Variants in CRYBG1 observed in about 807,000 individuals in gnomAD.
CRYBG1 encodes the protein crystallin beta-gamma domain containing 1, also known as beta/gamma crystallin domain-containing protein 1.
Under a neutral mutation model 189.2 loss-of-function variants are expected in CRYBG1, and 139 were observed. That is an observed-to-expected ratio of 0.73 (90% CI 0.64 to 0.85). CRYBG1 has a LOEUF of 0.85. CRYBG1 is among the 40% of genes least tolerant of loss of function. The pLI, the probability that CRYBG1 is intolerant of heterozygous loss-of-function variation, is 0.00. For synonymous variants in CRYBG1, 1,023 were observed against 1,017.1 expected (o/e 1.01, Z -0.11); for missense variants, 2,611 against 2,675.8 (o/e 0.98, Z 0.53).
chr6:106,432,174 A>C (rs1232001581), intron 1 of CRYBG1, among the ~76,000 whole-genome samples: 5 of 152,134 alleles, frequency 3.3e-5, no homozygotes, highest in African/African-American at 1.2e-4. Flanking sequence ...CATAACCTAG[A>C]TTCCTTGGGA....
chr6:106,521,544 T>C (rs1218762797), intron 4 of CRYBG1, 91 bp downstream of exon 4: 9 of 1,355,190 alleles, frequency 6.6e-6, no homozygotes, highest in Admixed American at 2.3e-5. Context: ...CTTTTAGAAA[T>C]GGTTAAGCTT....
At chr6:106,427,175 G>C (rs989918276) in intron 1 of CRYBG1, among the ~76,000 whole-genome samples, 1 of 152,098 alleles carries the variant, frequency 6.6e-6, no homozygotes, top group African/African-American at 2.4e-5. Flanking sequence ...TACAGCTTTA[G>C]ATCATCTGTA....
intron 21 of CRYBG1, 68 bp downstream of exon 21, chr6:106,563,994 C>T: frequency 1.4e-6 from 2 of 1,477,448 alleles, no homozygotes; most frequent in Non-Finnish European, 1.9e-6. Context: ...AAAATCTATT[C>T]ATAACTTTTG....
intron 1 of CRYBG1, among the ~76,000 whole-genome samples, chr6:106,447,065 G>T (rs1484769017): frequency 1.3e-5 from 2 of 152,190 alleles, no homozygotes; most frequent in African/African-American, 4.8e-5. Flanking sequence ...GTGCTAAAAA[G>T]AAAAGGGAGG....
At position 106,520,989 on chromosome 6, in the gene CRYBG1, A is replaced by G; in HGVS notation, c.3781A>G (p.Thr1261Ala). 1.2e-6 allele frequency: 2 copies of G among 1,614,204 alleles called. No homozygotes were observed. The highest frequency in any genetic ancestry group is 8.5e-7 in the Non-Finnish European group (1 of 1,180,034). The change falls in exon 4 of 22, where the codon ACA becomes GCA. Residue 1261 changes from threonine to alanine, a missense_variant. This residue lies in a region of CRYBG1 where 1,622 missense variants were observed against 1,735.0 expected (regional missense o/e 0.93). Transcript: ENST00000633556. ...AGACAAAATCTTTTCTCCTTCTGTG[A>G]CATCAGTCAACACTATGACCACGGC... is the stretch of plus-strand genomic sequence containing the variant. ...PQDKIFSPSV[T>A]SVNTMTTAFS...
intron 2 of CRYBG1, among the ~76,000 whole-genome samples, chr6:106,499,696 C>A (rs1772958983): frequency 6.6e-6 from 1 of 152,116 alleles, no homozygotes; most frequent in Non-Finnish European, 1.5e-5. Context: ...TAAAATCTAT[C>A]CTTTTAGCAA....
intron 2 of CRYBG1, among the ~76,000 whole-genome samples, chr6:106,483,045 T>TAACATCACCTTACTGTG: frequency 6.6e-6 from 1 of 152,158 alleles, no homozygotes; most frequent in Non-Finnish European, 1.5e-5. Flanking sequence ...ACCTTACTGT[T>TAACATCACCTTACTGTG]AACATCACCT....
intron 1 of CRYBG1, among the ~76,000 whole-genome samples, chr6:106,422,970 A>C (rs997900341): frequency 6.6e-6 from 1 of 152,204 alleles, no homozygotes; most frequent in Non-Finnish European, 1.5e-5. Context: ...TCAGAGATGG[A>C]TAGTGATTAA....
chr6:106,478,391 A>G (rs528289592), intron 2 of CRYBG1, among the ~76,000 whole-genome samples: 52 of 152,338 alleles, frequency 3.4e-4, no homozygotes, highest in African/African-American at 1.1e-3. Flanking sequence ...AAACTGATGC[A>G]TATACTGAAT....
intron 15 of CRYBG1, among the ~76,000 whole-genome samples, 197 bp from the exon 16 acceptor site, chr6:106,553,258 A>G (rs1205754542): frequency 6.6e-6 from 1 of 152,226 alleles, no homozygotes; most frequent in Non-Finnish European, 1.5e-5. Flanking sequence ...AATTAAATAA[A>G]TAGTCACGAA....
Position 106,530,244 on chromosome 6 carries a change from T to C in CRYBG1, c.4647T>C (p.Phe1549=), listed in dbSNP as rs1002966381. 5.0e-6 allele frequency: 8 copies of C among 1,613,800 alleles called. No individual in the cohort carries two copies. The highest frequency in any genetic ancestry group is 5.9e-6 in the Non-Finnish European group (7 of 1,179,894). The change falls in exon 8 of 22, where the codon TTT becomes TTC. Residue 1549 remains phenylalanine, a synonymous_variant. Coordinates refer to ENST00000633556, the MANE Select transcript of CRYBG1 (RefSeq NM_001371242.2). ...GGTTAGGAATCCTAAGTTCCTACTT[T>C]GATGATACTGAAGAAATGCAGGGAT... is the stretch of plus-strand genomic sequence containing the variant. The part of the protein sequence containing the change: ...PEGLGILSSY[F]DDTEEMQGFG...
chr6:106,391,855 T>C (rs1038303182), intron 1 of CRYBG1, among the ~76,000 whole-genome samples: 1 of 152,072 alleles, frequency 6.6e-6, no homozygotes, highest in African/African-American at 2.4e-5. Flanking sequence ...CGCTCCAAAT[T>C]CTTGTCATTA....
intron 2 of CRYBG1, among the ~76,000 whole-genome samples, chr6:106,484,620 C>A (rs140212589): frequency 6.6e-6 from 1 of 152,150 alleles, no homozygotes; most frequent in Non-Finnish European, 1.5e-5. Context: ...GCACCTGGCC[C>A]AGCTTTGTCC....
chr6:106,495,832 AAAAAAC>A (rs1177949620), intron 2 of CRYBG1, among the ~76,000 whole-genome samples: 3 of 151,050 alleles, frequency 2.0e-5, no homozygotes, highest in South Asian at 4.2e-4. Context: ...AAAAAAAAAA[AAAAAAC>A]AACTTTCCCC....
intron 1 of CRYBG1, among the ~76,000 whole-genome samples, chr6:106,416,749 T>C (rs540986778): frequency 6.6e-6 from 1 of 152,356 alleles, no homozygotes; most frequent in South Asian, 2.1e-4. Context: ...GTAGTATTCA[T>C]TATACACATT....
At chr6:106,483,402 A>ATATATATATATATATATAT (rs1361096436) in intron 2 of CRYBG1, among the ~76,000 whole-genome samples, 5 of 88,404 alleles carry the variant, frequency 5.7e-5, no homozygotes, top group Non-Finnish European at 1.2e-4. Flanking sequence ...ATATATATAT[A>ATATATATATATATATATAT]AAACATTTTC....
intron 2 of CRYBG1, among the ~76,000 whole-genome samples, chr6:106,474,312 T>C (rs1396219734): frequency 6.6e-6 from 1 of 152,200 alleles, no homozygotes; most frequent in African/African-American, 2.4e-5. Context: ...TGCTTACACC[T>C]CAGCTTGCAT....
At chr6:106,565,164 CA>C (rs1246195444) in intron 21 of CRYBG1, among the ~76,000 whole-genome samples, 1 of 151,716 alleles carries the variant, frequency 6.6e-6, no homozygotes, top group Non-Finnish European at 1.5e-5. Context: ...CTAAAAAATA[CA>C]AAAAAATTAG....
intron 1 of CRYBG1, 110 bp downstream of exon 1, chr6:106,361,191 G>T (rs1431188947): frequency 7.0e-6 from 9 of 1,292,128 alleles, no homozygotes; most frequent in Non-Finnish European, 9.3e-6. Flanking sequence ...AAGCCCCGGG[G>T]TCTGTTTCAG....
Sources: gnomAD v4.1 joint callset for allele counts (sites outside exome capture counted in the v4.1 genomes callset) on GRCh38, gnomAD v4.1.1 for gene constraint, gnomAD v4.1.1 regional missense constraint, MANE v1.5 for transcripts, NCBI Gene and HGNC (gene_info 2026-07-23, HGNC 2026-07-21) for gene names.